The following DNAH7 variants were observed in gnomAD, a reference collection of about 807,000 sequenced individuals.
DNAH7 encodes axonemal beta dynein heavy chain 7.
Under a neutral mutation model 444.6 loss-of-function variants are expected in DNAH7, and 397 were observed. The ratio of observed to expected loss-of-function variants is 0.89; its 90% CI spans 0.82 to 0.97. The LOEUF is 0.97. DNAH7 is among the 50% of genes least tolerant of loss of function. The pLI is 0.00. For missense variants in DNAH7, 4,902 were observed against 4,800.8 expected (o/e 1.02, Z -0.62); for synonymous variants, 1,636 against 1,624.4 (o/e 1.01, Z -0.17).
chr2:195,931,698 G>T (rs1688707392), intron 21 of DNAH7, among the ~76,000 whole-genome samples: 1 of 152,102 alleles, frequency 6.6e-6, no homozygotes, highest in Admixed American at 6.6e-5. Context: ...CCAATTTCTT[G>T]TTTTTGTCAG....
At chr2:195,740,276 C>A (rs575157918) in intron 64 of DNAH7, among the ~76,000 whole-genome samples, 1 of 152,108 alleles carries the variant, frequency 6.6e-6, no homozygotes, top group Non-Finnish European at 1.5e-5. Context: ...TGAGCCACTG[C>A]GCCCAGCCAG....
chr2:195,815,664 A>G (rs1479076693), intron 51 of DNAH7, among the ~76,000 whole-genome samples: 1 of 152,228 alleles, frequency 6.6e-6, no homozygotes, highest in African/African-American at 2.4e-5. Flanking sequence ...GTTGTTATTA[A>G]TTACTTTCTT....
At chr2:195,939,081 T>C (rs1381170044) in intron 19 of DNAH7, among the ~76,000 whole-genome samples, 1 of 152,014 alleles carries the variant, frequency 6.6e-6, no homozygotes, top group Non-Finnish European at 1.5e-5. Context: ...TCTCTCAAAA[T>C]CGGTATGAGG....
intron 10 of DNAH7, among the ~76,000 whole-genome samples, chr2:196,003,526 C>CACAT (rs534659014): frequency 8.5e-5 from 13 of 152,218 alleles, no homozygotes; most frequent in Admixed American, 3.3e-4. Context: ...GGAAAAGAGG[C>CACAT]ACATACATAC....
rs376908251 is a variant in DNAH7, at chr2:195,876,646, G to A, written c.6015C>T (p.Asn2005=). 6.2e-7 allele frequency: 1 copy of A among 1,609,968 alleles called. No homozygotes were observed. Among genetic ancestry groups the A allele is most frequent in the African/African-American group, 1.3e-5 (1 of 74,952 alleles). Residue 2005 remains asparagine, a synonymous_variant, in exon 37 of 65, where the codon AAC becomes AAT. Transcript: ENST00000312428. Reference sequence around the variant, plus strand: ...GAGCTGCTGTAGTTTGTGCTGAGAAGTTAATTAGCAGAGGTTTGTAGATTT... The same window carrying A: ...GAGCTGCTGTAGTTTGTGCTGAGAAATTAATTAGCAGAGGTTTGTAGATTT... ...NKEIYKPLLI[N]FSAQTTAAQT...
At chr2:196,025,338 A>G (rs1417943510) in intron 7 of DNAH7, among the ~76,000 whole-genome samples, 2 of 152,304 alleles carry the variant, frequency 1.3e-5, no homozygotes, top group Non-Finnish European at 2.9e-5. Flanking sequence ...TCTTCTGCCC[A>G]TATTTCAAGA....
At chr2:196,058,143 A>C in intron 1 of DNAH7, 27 bp from the exon 2 acceptor site, 1 of 1,554,256 alleles carries the variant, frequency 6.4e-7, no homozygotes, top group Non-Finnish European at 8.7e-7. Context: ...AAAAAACAAA[A>C]CTGTTTACTC....
chr2:195,920,324 A>G (rs1271275583), intron 24 of DNAH7, among the ~76,000 whole-genome samples: 1 of 152,218 alleles, frequency 6.6e-6, no homozygotes, highest in East Asian at 1.9e-4. Flanking sequence ...CTATAAGGCT[A>G]TAGTTACCAA....
chr2:195,811,787 CTG>C (rs902960191), intron 51 of DNAH7, among the ~76,000 whole-genome samples: 267 of 152,034 alleles, frequency 1.8e-3, no homozygotes, highest in African/African-American at 6.3e-3. Flanking sequence ...AAAAAAAAAA[CTG>C]TGTGCGTAAT....
In DNAH7 at chr2:195,924,605, AAGAG is replaced by A. The variant is rs111981665; in HGVS notation, c.3613-802_3613-799del. ...CGAGACTCCATCACAAAAAAAAAAA[AAGAG>A]AGAGAGAGAGCAAGAGAGAGGCCAC... On this transcript the variant is annotated intron_variant, in intron 22 of 64. Coordinates refer to ENST00000312428, the MANE Select transcript of DNAH7 (RefSeq NM_018897.3). 2.8e-3 allele frequency among the ~76,000 whole-genome samples: 423 copies of A among 151,248 alleles called. 3 individuals are homozygous for A. Among genetic ancestry groups the A allele is most frequent in the African/African-American group, 9.6e-3 (396 of 41,280 alleles).
chr2:195,994,409 G>T, intron 12 of DNAH7: 1 of 715,958 alleles, frequency 1.4e-6, no homozygotes, highest in Non-Finnish European at 2.3e-6. Flanking sequence ...AAGGAATTTG[G>T]TCCTCAGTCT....
intron 9 of DNAH7, among the ~76,000 whole-genome samples, chr2:196,016,902 G>A (rs568085766): frequency 9.7e-4 from 147 of 152,234 alleles, no homozygotes; most frequent in African/African-American, 3.2e-3. Context: ...TCTGTAAACC[G>A]AAAATCTATA....
At chr2:195,744,785 G>C (rs1396635193) in intron 63 of DNAH7, among the ~76,000 whole-genome samples, 1 of 152,216 alleles carries the variant, frequency 6.6e-6, no homozygotes, top group East Asian at 1.9e-4. Flanking sequence ...CAGACCTGCA[G>C]CTGAGGGTCC....
intron 10 of DNAH7, among the ~76,000 whole-genome samples, chr2:196,002,316 T>A (rs545981957): frequency 6.6e-6 from 1 of 152,330 alleles, no homozygotes; most frequent in South Asian, 2.1e-4. Flanking sequence ...TACAGTTACT[T>A]GAAAACAATT....
rs545713027 is a variant in DNAH7, at chr2:195,948,855, T to C, written c.3078+8406A>G. 7.2e-5 allele frequency among the ~76,000 whole-genome samples: 11 copies of C among 152,346 alleles called. No individual in the cohort carries two copies. The South Asian group carries it at 1.2e-3, about 17-fold the overall frequency. ...AAAGTCAATAGCAGCTTGATGAAGA[T>C]AGCACTGAATCTATTAATTACTTTG... is the stretch of plus-strand genomic sequence containing the variant. On this transcript the variant is annotated intron_variant, in intron 19 of 64. Transcript: ENST00000312428.
rs530690739 is a variant in DNAH7 at position 195,795,275 on chromosome 2, G to A, written c.10516-737C>T. ...CAGGTGCCTGTAATCCTAGCTACTCGGGAGGCGGAGGCACCAGAATCGCTT... is the reference window on the plus strand; with the variant it reads ...CAGGTGCCTGTAATCCTAGCTACTCAGGAGGCGGAGGCACCAGAATCGCTT... On this transcript the variant is annotated intron_variant, in intron 56 of 64. Coordinates refer to ENST00000312428, the MANE Select transcript of DNAH7 (RefSeq NM_018897.3). Among the ~76,000 whole-genome samples the A allele has an allele frequency of 5.9e-5, 9 of 152,238 alleles. No individual in the cohort carries two copies. The East Asian group carries it at 7.7e-4, about 13-fold the overall frequency.
chr2:195,959,025 C>T (rs533851455), intron 18 of DNAH7, among the ~76,000 whole-genome samples: 1 of 152,140 alleles, frequency 6.6e-6, no homozygotes, highest in Non-Finnish European at 1.5e-5. Context: ...CGTGCCACTG[C>T]ACTCCAGCCT....
At chr2:195,918,166 A>G (rs575566617) in intron 24 of DNAH7, among the ~76,000 whole-genome samples, 6 of 152,254 alleles carry the variant, frequency 3.9e-5, no homozygotes, top group Non-Finnish European at 7.3e-5. Flanking sequence ...TATCCATATA[A>G]AAATAAACAT....
At chr2:195,831,855 C>T (rs925717527) in intron 48 of DNAH7, among the ~76,000 whole-genome samples, 3 of 151,994 alleles carry the variant, frequency 2.0e-5, no homozygotes, top group African/African-American at 7.3e-5. Context: ...CATCACTAAC[C>T]CTTATTGGGA....
Sources: gnomAD v4.1 joint callset for allele counts (sites outside exome capture counted in the v4.1 genomes callset) on GRCh38, gnomAD v4.1.1 for gene constraint, MANE v1.5 for transcripts, NCBI Gene and HGNC (gene_info 2026-07-23, HGNC 2026-07-21) for gene names.